KRCC1: variants seen among roughly 807,000 people sequenced by gnomAD.
The protein encoded by KRCC1 is lysine rich coiled-coil 1, also known as lysine-rich coiled-coil protein 1.
In KRCC1, 3 loss-of-function variants were observed where a neutral mutation model predicts 7.4. That is an observed-to-expected ratio of 0.40 (90% CI 0.18 to 1.04). KRCC1 has a LOEUF of 1.04. KRCC1 is among the 50% of genes least tolerant of loss of function. The pLI, the probability that KRCC1 is intolerant of heterozygous loss-of-function variation, is 0.33. For synonymous variants in KRCC1, 102 were observed against 101.6 expected (o/e 1.00, Z -0.02); for missense variants, 277 against 300.9 (o/e 0.92, Z 0.59).
At chr2:88,028,674 G>C (rs1268464477) in intron 3 of KRCC1, 89 bp from the exon 4 acceptor site, 1 of 700,378 alleles carries the variant, frequency 1.4e-6, no homozygotes, top group African/African-American at 2.0e-5. Flanking sequence ...TCTTGAGATG[G>C]CGTCTCGCCC....
chr2:88,029,832 A>G (rs985555655), intron 3 of KRCC1, among the ~76,000 whole-genome samples: 6 of 96,962 alleles, frequency 6.2e-5, no homozygotes, highest in African/African-American at 1.1e-4. Context: ...TTATATATAT[A>G]TAAAAAAATA....
In KRCC1 at chr2:88,042,147, G is replaced by A. The variant is rs532691720; in HGVS notation, c.-290-5096C>T. Among the ~76,000 whole-genome samples, 67 of 142,764 alleles carry A rather than the reference G, an allele frequency of 4.7e-4. 2 individuals are homozygous for A. The South Asian group carries it at 0.012, about 25-fold the overall frequency. 93.7% of individuals were successfully genotyped at this position (142,764 alleles called of 152,430 possible). A position where few individuals can be genotyped will look rare whatever the true frequency, so the allele number is the denominator to read the frequency against. ...ACAATCTCAGCTCACTGCAAGCTCC[G>A]CCTCCCAGGTTCACGCCATTCTCCT... On this transcript the variant is annotated intron_variant, in intron 1 of 3. Coordinates refer to ENST00000347055, the MANE Select transcript of KRCC1 (RefSeq NM_016618.3).
At chr2:88,048,521 A>G (rs1422598206) in intron 1 of KRCC1, among the ~76,000 whole-genome samples, 1 of 152,248 alleles carries the variant, frequency 6.6e-6, no homozygotes, top group Non-Finnish European at 1.5e-5. Flanking sequence ...TAGAAATACT[A>G]TTGATTACAT....
intron 1 of KRCC1, among the ~76,000 whole-genome samples, chr2:88,041,111 T>C (rs1316376516): frequency 6.6e-6 from 1 of 152,134 alleles, no homozygotes; most frequent in Admixed American, 6.5e-5. Context: ...TAGGTAGCTG[T>C]TGCAGGCAAG....
intron 3 of KRCC1, among the ~76,000 whole-genome samples, chr2:88,031,933 A>G (rs1227115669): frequency 6.6e-6 from 1 of 151,930 alleles, no homozygotes; most frequent in African/African-American, 2.4e-5. Flanking sequence ...ACCTGAGGTC[A>G]GGAGTTGGAG....
chr2:88,050,851 TC>T (rs1489760749), intron 1 of KRCC1, among the ~76,000 whole-genome samples: 7 of 152,164 alleles, frequency 4.6e-5, no homozygotes, highest in African/African-American at 1.7e-4. Flanking sequence ...ACATGGTGTT[TC>T]TTTGGATTTT....
chr2:88,043,536 C>T (rs1433271161), intron 1 of KRCC1, among the ~76,000 whole-genome samples: 1 of 152,134 alleles, frequency 6.6e-6, no homozygotes, highest in African/African-American at 2.4e-5. Flanking sequence ...CTTGTGTTTT[C>T]AATAAATGCA....
intron 1 of KRCC1, among the ~76,000 whole-genome samples, chr2:88,047,539 G>C (rs1441861379): frequency 1.3e-5 from 2 of 152,120 alleles, no homozygotes; most frequent in Non-Finnish European, 2.9e-5. Flanking sequence ...TAATAGGTTT[G>C]TGTTTTTTTG....
intron 1 of KRCC1, among the ~76,000 whole-genome samples, chr2:88,045,600 A>G (rs1673312101): frequency 6.6e-6 from 1 of 151,958 alleles, no homozygotes; most frequent in Admixed American, 6.6e-5. Flanking sequence ...GGGCATAAGT[A>G]CTTTTGGGGT....
chr2:88,050,937 TTTTTGA>T (rs1460356302), intron 1 of KRCC1, among the ~76,000 whole-genome samples: 1 of 151,230 alleles, frequency 6.6e-6, no homozygotes, highest in African/African-American at 2.4e-5. Context: ...TTTTTTTTTT[TTTTTGA>T]GACAGGGTCT....
At chr2:88,055,209 G>A (rs1021920846) in intron 1 of KRCC1, among the ~76,000 whole-genome samples, 2 of 151,226 alleles carry the variant, frequency 1.3e-5, no homozygotes, top group African/African-American at 2.4e-5. Context: ...CTACTTTCCA[G>A]GATGCTGAAC....
chr2:88,041,184 G>A (rs944789801), intron 1 of KRCC1, among the ~76,000 whole-genome samples: 3 of 152,042 alleles, frequency 2.0e-5, no homozygotes, highest in African/African-American at 4.8e-5. Flanking sequence ...GAATATGAGA[G>A]ATATTCTAAA....
At position 88,028,132 on chromosome 2, in the gene KRCC1, G is replaced by A. The variant is rs1217226966; in HGVS notation, c.432C>T (p.Asn144=). 2 of 1,614,092 alleles carry A rather than the reference G, an allele frequency of 1.2e-6. No individual in the cohort carries two copies. Among genetic ancestry groups the A allele is most frequent in the Non-Finnish European group, 8.5e-7 (1 of 1,179,992 alleles). ...HRVYKHFSSD[N]STSTHQASHK... ...GACTGGCTTGATGAGTACTGGTACT[G>A]TTATCTGAGGAGAAGTGCTTGTAAA... The change falls in exon 4 of 4, where the codon AAC becomes AAT. Residue 144 remains asparagine (N), a synonymous_variant. Transcript: ENST00000347055.
At chr2:88,033,932 A>G (rs1392238094) in intron 3 of KRCC1, among the ~76,000 whole-genome samples, 1 of 152,226 alleles carries the variant, frequency 6.6e-6, no homozygotes, top group Non-Finnish European at 1.5e-5. Flanking sequence ...GAAATAACCA[A>G]CCAATGCCCA....
chr2:88,033,625 A>C (rs1673038059), intron 3 of KRCC1, among the ~76,000 whole-genome samples: 1 of 152,246 alleles, frequency 6.6e-6, no homozygotes, highest in African/African-American at 2.4e-5. Context: ...TTTATTTTTA[A>C]GTATGTTTGA....
In KRCC1 at chr2:88,028,377, G is replaced by A. The variant is rs780087825; in HGVS notation, c.187C>T (p.Leu63Phe). 2.5e-6 allele frequency: 4 copies of A among 1,613,978 alleles called. No individual in the cohort carries two copies. The highest frequency in any genetic ancestry group is 1.1e-5 in the South Asian group (1 of 91,088). The part of the protein sequence containing the change: ...RPTYRMFDQR[L>F]PSETIQTYPR... ...TAGGTCTGGATGGTTTCAGATGGGA[G>A]TCTCTGGTCAAACATTCTATACGTG... The change falls in exon 4 of 4, where the codon CTC (leucine) becomes TTC (phenylalanine). Residue 63 changes from leucine (L) to phenylalanine (F), a missense_variant. Physicochemically the swap from Leu to Phe is conservative, Grantham distance 22. Coordinates refer to ENST00000347055, the MANE Select transcript of KRCC1 (RefSeq NM_016618.3).
At chr2:88,029,159 A>C (rs1672944188) in intron 3 of KRCC1, among the ~76,000 whole-genome samples, 2 of 152,186 alleles carry the variant, frequency 1.3e-5, no homozygotes, top group African/African-American at 4.8e-5. Context: ...TGTTGCTGTC[A>C]TAGGGCTAAA....
intron 3 of KRCC1, among the ~76,000 whole-genome samples, chr2:88,028,876 C>T (rs1409103326): frequency 6.6e-6 from 1 of 152,070 alleles, no homozygotes; most frequent in African/African-American, 2.4e-5. Flanking sequence ...GTCTCAAACT[C>T]CTGGCCACAA....
chr2:88,034,779 G>A (rs1673060563), intron 2 of KRCC1, among the ~76,000 whole-genome samples: 1 of 152,028 alleles, frequency 6.6e-6, no homozygotes, highest in Non-Finnish European at 1.5e-5. Flanking sequence ...TGTACCCCTT[G>A]GCAAATGTCT....
Sources: gnomAD v4.1 joint callset for allele counts (sites outside exome capture counted in the v4.1 genomes callset) on GRCh38, gnomAD v4.1.1 for gene constraint, MANE v1.5 for transcripts, NCBI Gene and HGNC (gene_info 2026-07-23, HGNC 2026-07-21) for gene names.